The following RPS6KC1 variants were observed in gnomAD, a reference collection of about 807,000 sequenced individuals.
RPS6KC1 encodes the protein inactive ribosomal protein S6 kinase delta-1.
A neutral mutation model predicts 103.8 loss-of-function variants in RPS6KC1; 54 were observed. That is an observed-to-expected ratio of 0.52 (90% CI 0.42 to 0.65). The LOEUF is 0.65. RPS6KC1 is among the 30% of genes least tolerant of loss of function. RPS6KC1 has a pLI of 0.00. For missense variants in RPS6KC1, 1,151 were observed against 1,253.8 expected, an observed-to-expected ratio of 0.92 and a Z score of 1.24; for synonymous variants, 439 against 438.7, an observed-to-expected ratio of 1.00 and a Z score of -0.01.
intron 1 of RPS6KC1, among the ~76,000 whole-genome samples, chr1:213,064,721 A>C (rs1344122520): frequency 1.7e-5 from 2 of 119,862 alleles, no homozygotes; most frequent in Admixed American, 1.1e-4. Flanking sequence ...TCTATTGCCC[A>C]GGCTGGAGTG....
the RPS6KC1 span, among the ~76,000 whole-genome samples, chr1:213,475,896 A>G: frequency 6.6e-6 from 1 of 152,210 alleles, no homozygotes; most frequent in Non-Finnish European, 1.5e-5. Flanking sequence ...GAGTCTCCTA[A>G]GCCAGTCTAT....
chr1:213,564,205 T>C, the RPS6KC1 span, among the ~76,000 whole-genome samples: 3 of 152,204 alleles, frequency 2.0e-5, no homozygotes, highest in Non-Finnish European at 4.4e-5. Flanking sequence ...TTTTAAATGA[T>C]AGGTTAACTG....
the RPS6KC1 span, among the ~76,000 whole-genome samples, chr1:213,799,231 G>T: frequency 6.6e-6 from 1 of 152,160 alleles, no homozygotes; most frequent in East Asian, 1.9e-4. Flanking sequence ...TATTTATCTA[G>T]CAGAGCCCTG....
chr1:213,815,179 C>T, the RPS6KC1 span, among the ~76,000 whole-genome samples: 1 of 152,076 alleles, frequency 6.6e-6, no homozygotes, highest in African/African-American at 2.4e-5. Flanking sequence ...TTTCTCCTGC[C>T]ACCTTGTGAA....
At chr1:213,309,083 A>G in the RPS6KC1 span, among the ~76,000 whole-genome samples, 1 of 152,102 alleles carries the variant, frequency 6.6e-6, no homozygotes, top group Non-Finnish European at 1.5e-5. Context: ...CGAGGTCAGG[A>G]GTTCGAGACC....
At chr1:213,147,137 A>G (rs1204531371) in intron 6 of RPS6KC1, among the ~76,000 whole-genome samples, 4 of 152,060 alleles carry the variant, frequency 2.6e-5, no homozygotes, top group Admixed American at 6.6e-5. Context: ...CTCCCATTCT[A>G]TGGGCTGTCT....
chr1:213,562,893 G>C, the RPS6KC1 span, among the ~76,000 whole-genome samples: 8 of 151,060 alleles, frequency 5.3e-5, no homozygotes, highest in African/African-American at 1.9e-4. Context: ...TGAACTCCTG[G>C]CCTGAAGTGG....
At chr1:213,154,839 C>T (rs896483900) in intron 6 of RPS6KC1, among the ~76,000 whole-genome samples, 1 of 152,204 alleles carries the variant, frequency 6.6e-6, no homozygotes, top group Non-Finnish European at 1.5e-5. Context: ...GCTCTGTAGT[C>T]ACCACAATTG....
the RPS6KC1 span, among the ~76,000 whole-genome samples, chr1:213,423,330 C>T: frequency 3.3e-5 from 5 of 152,314 alleles, no homozygotes; most frequent in South Asian, 6.2e-4. Flanking sequence ...AGTCTGGGCT[C>T]ATTTCACCCC....
At chr1:213,572,667 T>G in the RPS6KC1 span, among the ~76,000 whole-genome samples, 227 of 152,382 alleles carry the variant, frequency 1.5e-3, no homozygotes, top group Non-Finnish European at 2.8e-3. Flanking sequence ...TTAGATATAA[T>G]TAAACCATTG....
At chr1:213,399,796 G>A in the RPS6KC1 span, among the ~76,000 whole-genome samples, 18 of 152,126 alleles carry the variant, frequency 1.2e-4, no homozygotes, top group Non-Finnish European at 1.6e-4. Flanking sequence ...GAGCTGGGGC[G>A]GGCCAAGATG....
chr1:213,555,809 C>G, the RPS6KC1 span, among the ~76,000 whole-genome samples: 2 of 152,218 alleles, frequency 1.3e-5, no homozygotes, highest in African/African-American at 4.8e-5. Flanking sequence ...TACTCTACCA[C>G]AGTTTGTTTC....
At chr1:213,179,427 A>G (rs1327684860) in intron 8 of RPS6KC1, among the ~76,000 whole-genome samples, 3 of 141,428 alleles carry the variant, frequency 2.1e-5, no homozygotes, top group East Asian at 2.0e-4. Context: ...AAAAAAGAGG[A>G]AAAAAAAAAA....
At chr1:213,803,788 T>A in the RPS6KC1 span, among the ~76,000 whole-genome samples, 1 of 152,156 alleles carries the variant, frequency 6.6e-6, no homozygotes, top group East Asian at 1.9e-4. Flanking sequence ...AGTTCTGTGA[T>A]TGAATAAGTT....
the RPS6KC1 span, among the ~76,000 whole-genome samples, chr1:213,446,229 A>G: frequency 1.3e-5 from 2 of 152,170 alleles, no homozygotes; most frequent in East Asian, 3.9e-4. Context: ...GCAAAAAATG[A>G]CTTGCTTGCT....
At chr1:213,786,788 C>T in the RPS6KC1 span, among the ~76,000 whole-genome samples, 11 of 152,278 alleles carry the variant, frequency 7.2e-5, no homozygotes, top group Admixed American at 7.2e-4. Context: ...GCCTCACAAC[C>T]TTCTAAAATA....
chr1:213,304,263 C>T, the RPS6KC1 span, among the ~76,000 whole-genome samples: 2 of 151,288 alleles, frequency 1.3e-5, no homozygotes, highest in African/African-American at 4.8e-5. Context: ...CTTCCTTAAC[C>T]CAGGACATAC....
At chr1:213,106,434 G>C (rs1040257577) in intron 4 of RPS6KC1, among the ~76,000 whole-genome samples, 1 of 152,146 alleles carries the variant, frequency 6.6e-6, no homozygotes, top group Non-Finnish European at 1.5e-5. Context: ...GTTTTTAAAA[G>C]CTTTCCCAGA....
At chr1:213,582,313 A>C in the RPS6KC1 span, among the ~76,000 whole-genome samples, 1 of 152,030 alleles carries the variant, frequency 6.6e-6, no homozygotes. Context: ...ATGTGTGAGC[A>C]CTTAGATACT....
Sources: gnomAD v4.1 joint callset for allele counts (sites outside exome capture counted in the v4.1 genomes callset) on GRCh38, gnomAD v4.1.1 for gene constraint, MANE v1.5 for transcripts, NCBI Gene and HGNC (gene_info 2026-07-23, HGNC 2026-07-21) for gene names.